HK2: variants seen among roughly 807,000 people sequenced by gnomAD.
The protein encoded by HK2 is hexokinase-2.
A neutral mutation model predicts 92.9 loss-of-function variants in HK2; 42 were observed. That is an observed-to-expected ratio of 0.45 (90% CI 0.35 to 0.58). The LOEUF is 0.58. Among genes scored for constraint, HK2 ranks in the 20% least tolerant of loss-of-function variants. The pLI is 0.00. For missense variants in HK2, 978 were observed against 1,245.1 expected (o/e 0.79, Z 3.23); for synonymous variants, 422 against 468.0 (o/e 0.90, Z 1.27).
chr2:74,857,959 C>G (rs1688732000), intron 2 of HK2, among the ~76,000 whole-genome samples: 1 of 152,156 alleles, frequency 6.6e-6, no homozygotes, highest in Non-Finnish European at 1.5e-5. Context: ...GGCCTTTTCT[C>G]CAGGGGCACC....
At chr2:74,875,096 C>T (rs1170604613) in intron 7 of HK2, among the ~76,000 whole-genome samples, 1 of 152,184 alleles carries the variant, frequency 6.6e-6, no homozygotes, top group Non-Finnish European at 1.5e-5. Context: ...TTATCTCTTA[C>T]AAAACCTTAT....
Position 74,891,882 on chromosome 2 carries a change from G to A in HK2, c.*941G>A, listed in dbSNP as rs1459436290. 1 of 152,620 alleles carries A rather than the reference G, an allele frequency of 6.6e-6. No individual in the cohort carries two copies. Among genetic ancestry groups the A allele is most frequent in the East Asian group, 1.9e-4 (1 of 5,194 alleles). The allele number at this position is 152,620 out of a possible 1,614,324, so 9.5% of individuals were successfully genotyped here. On this transcript the variant is annotated 3_prime_UTR_variant, in exon 18 of 18. Transcript: ENST00000290573. ...CAGAATTGGCCTCAGTGTAGTTAAA[G>A]GGCAGAAGGGGAAGATACTGACTAG...
At chr2:74,841,654 C>A (rs1688318081) in intron 1 of HK2, among the ~76,000 whole-genome samples, 1 of 152,166 alleles carries the variant, frequency 6.6e-6, no homozygotes, top group African/African-American at 2.4e-5. Flanking sequence ...TGCAGATGCC[C>A]ACAGTTCCTT....
intron 1 of HK2, among the ~76,000 whole-genome samples, chr2:74,852,882 G>A (rs28362976): frequency 1.3e-5 from 2 of 152,288 alleles, no homozygotes; most frequent in Admixed American, 6.5e-5. Flanking sequence ...GCCAGGCACC[G>A]TGCCAGCCTC....
intron 1 of HK2, among the ~76,000 whole-genome samples, chr2:74,843,802 C>G (rs1484287737): frequency 2.0e-5 from 3 of 152,204 alleles, no homozygotes; most frequent in Non-Finnish European, 4.4e-5. Context: ...GAAACTGCCA[C>G]TTTTCCTTCT....
At chr2:74,858,133 A>G (rs971318097) in intron 2 of HK2, among the ~76,000 whole-genome samples, 8 of 152,254 alleles carry the variant, frequency 5.3e-5, no homozygotes, top group Non-Finnish European at 8.8e-5. Flanking sequence ...AAACACATGC[A>G]TATAAATATT....
chr2:74,890,873 G>T lies in HK2; in HGVS notation c.2686G>T (p.Gly896Cys). The T allele has an allele frequency of 6.2e-7, 1 of 1,614,246 alleles. No homozygotes were observed. ...TGTGTCTTTCCTGCAGTCAGAGGAT[G>T]GCAGCGGGAAGGGGGCGGCGCTCAT... ...CDVSFLQSED[G>C]SGKGAALITA... is the part of the protein sequence containing the mutation. Residue 896 changes from glycine (G) to cysteine (C), a missense_variant, in exon 18 of 18, where the codon GGC (glycine) becomes TGC (cysteine). This residue lies in a region of HK2 where 742 missense variants were observed against 922.5 expected (regional missense o/e 0.80). Transcript: ENST00000290573.
At position 74,838,988 on chromosome 2, in the gene HK2, G is replaced by T. The variant is rs146344477; in HGVS notation, c.63+4345G>T. ...AAATTGTTTTAATACGCATAGACTG[G>T]TGACATTTGCACTGGAATCCTGTAA... is the stretch of plus-strand genomic sequence containing the variant. On this transcript the variant is annotated intron_variant, in intron 1 of 17. Transcript: ENST00000290573. Among the ~76,000 whole-genome samples, 483 of 152,278 alleles carry T rather than the reference G, an allele frequency of 3.2e-3. 2 individuals are homozygous for T. The highest frequency in any genetic ancestry group is 5.3e-3 in the Non-Finnish European group (360 of 68,024).
chr2:74,878,862 C>T lies in HK2; in HGVS notation c.1206C>T (p.Gly402=), dbSNP rs780528975. The T allele has an allele frequency of 4.5e-6, 7 of 1,552,734 alleles. No individual in the cohort carries two copies. Among genetic ancestry groups the T allele is most frequent in the East Asian group, 4.9e-5 (2 of 41,008 alleles). ...AVLQRIKENK[G]EERLRSTIGV... ...TGCAGCGCATCAAGGAGAACAAAGG[C>T]GAGGAGCGGCTGCGCTCTACTATTG... is the stretch of plus-strand genomic sequence containing the variant. The change falls in exon 9 of 18, where the codon GGC becomes GGT. Residue 402 remains glycine, a synonymous_variant. Coordinates refer to ENST00000290573, the MANE Select transcript of HK2 (RefSeq NM_000189.5).
chr2:74,883,512 A>T (rs936911971), intron 12 of HK2, among the ~76,000 whole-genome samples: 1 of 152,134 alleles, frequency 6.6e-6, no homozygotes, highest in Admixed American at 6.5e-5. Context: ...AGAAGAGCCT[A>T]CCCTAGTGAC....
chr2:74,886,419 C>T (rs745365820), intron 14 of HK2, 26 bp downstream of exon 14: 9 of 1,613,524 alleles, frequency 5.6e-6, no homozygotes, highest in South Asian at 1.1e-5. Flanking sequence ...GTCCTTTCCA[C>T]ATGGGGATGC....
At chr2:74,867,826 T>G in intron 3 of HK2, 42 bp downstream of exon 3, 1 of 1,610,912 alleles carries the variant, frequency 6.2e-7, no homozygotes, top group Non-Finnish European at 8.5e-7. Context: ...GACAAAAAAC[T>G]TCCTTGGCAT....
intron 1 of HK2, among the ~76,000 whole-genome samples, chr2:74,845,960 C>T (rs1688424568): frequency 6.6e-6 from 1 of 152,336 alleles, no homozygotes; most frequent in South Asian, 2.1e-4. Context: ...TCACTGACAG[C>T]AGTTGCTTGG....
intron 3 of HK2, among the ~76,000 whole-genome samples, chr2:74,868,587 T>C (rs1689019426): frequency 6.6e-6 from 1 of 152,230 alleles, no homozygotes; most frequent in Non-Finnish European, 1.5e-5. Flanking sequence ...CAGGGGTTTT[T>C]GTCTGTTTAT....
intron 16 of HK2, 94 bp from the exon 17 acceptor site, chr2:74,889,151 A>C: frequency 4.8e-6 from 5 of 1,036,678 alleles, no homozygotes; most frequent in Non-Finnish European, 7.4e-6. Context: ...AGACCCCCAC[A>C]GAGCCTCCCC....
chr2:74,855,125 T>G (rs866474196), intron 2 of HK2, among the ~76,000 whole-genome samples: 1 of 152,136 alleles, frequency 6.6e-6, no homozygotes, highest in Middle Eastern at 3.4e-3. Context: ...CCCTCTGGAG[T>G]AGCTGGGATT....
chr2:74,874,325 G>A lies in HK2; in HGVS notation c.751G>A (p.Asp251Asn). The change falls in exon 7 of 18, where the codon GAT becomes AAT. Residue 251 changes from aspartate (D) to asparagine (N), a missense_variant. Coordinates refer to ENST00000290573, the MANE Select transcript of HK2 (RefSeq NM_000189.5). ...GCGCCACATCGACATGGTGGAAGGC[G>A]ATGAGGGGCGGATGTGTATCAATAT... ...EMRHIDMVEGDEGRMCINMEW... is the reference protein window; with the variant it reads ...EMRHIDMVEGNEGRMCINMEW... The A allele has an allele frequency of 6.2e-7, 1 of 1,614,160 alleles. No individual in the cohort carries two copies. Among genetic ancestry groups the A allele is most frequent in the Non-Finnish European group, 8.5e-7 (1 of 1,180,036 alleles).
chr2:74,834,561 C>T lies in HK2; in HGVS notation c.-20C>T, dbSNP rs751848408. On this transcript the variant is annotated 5_prime_UTR_variant, in exon 1 of 18. Coordinates refer to ENST00000290573, the MANE Select transcript of HK2 (RefSeq NM_000189.5). This position sits in a 1 kb window ranked among gnomAD's most constrained non-coding sequence, Gnocchi z 4.2. ...TCTCCGCCTCGGTTTCCCAACTCTG[C>T]GCCGTCGGGCCGCGGCAGGATGATT... The T allele has an allele frequency of 1.9e-6, 3 of 1,613,500 alleles. No homozygotes were observed. Among genetic ancestry groups the T allele is most frequent in the East Asian group, 4.5e-5 (2 of 44,858 alleles).
chr2:74,874,195 T>G (rs1165258004), intron 6 of HK2, 71 bp from the exon 7 acceptor site: 2 of 1,575,370 alleles, frequency 1.3e-6, no homozygotes, highest in African/African-American at 2.7e-5. Context: ...CTCGGGACAG[T>G]AGTATAAGAG....
Sources: allele counts gnomAD v4.1 joint callset (sites outside exome capture counted in the v4.1 genomes callset), GRCh38; gene constraint gnomAD v4.1.1; regional missense constraint gnomAD v4.1.1; non-coding constraint Gnocchi (gnomAD v3.1); transcripts MANE v1.5; gene names NCBI Gene and HGNC (gene_info 2026-07-23, HGNC 2026-07-21).